ULBP1: variants seen among roughly 807,000 people sequenced by gnomAD.
The protein encoded by ULBP1 is UL16-binding protein 1.
Under a neutral mutation model 25.3 loss-of-function variants are expected in ULBP1, and 28 were observed. The ratio of observed to expected loss-of-function variants is 1.10; its 90% CI spans 0.82 to 1.51. The LOEUF is 1.51. Ranked by LOEUF, ULBP1 falls within the 40% of genes most tolerant of loss-of-function variation. The probability of loss-of-function intolerance (pLI) is 0.00; values close to 1 mark genes in which losing one functional copy is unlikely to be tolerated. For missense variants in ULBP1, 348 were observed against 290.9 expected (o/e 1.20, Z -1.43); for synonymous variants, 129 against 103.0 (o/e 1.25, Z -1.53).
At chr6:149,967,880 G>A (rs554404296) in intron 1 of ULBP1, among the ~76,000 whole-genome samples, 141 of 152,144 alleles carry the variant, frequency 9.3e-4, no homozygotes, top group Non-Finnish European at 1.1e-3. Flanking sequence ...CTTCTCCTGG[G>A]GCCTTCTTTA....
At chr6:149,969,966 T>G (rs1779284183) in intron 3 of ULBP1, 50 bp from the exon 4 acceptor site, 2 of 1,567,512 alleles carry the variant, frequency 1.3e-6, no homozygotes, top group South Asian at 1.2e-5. Flanking sequence ...AGACATCCCC[T>G]AAGATTTTGA....
At chr6:149,965,380 C>T (rs1368024945) in intron 1 of ULBP1, among the ~76,000 whole-genome samples, 1 of 152,216 alleles carries the variant, frequency 6.6e-6, no homozygotes, top group East Asian at 1.9e-4. Context: ...GCCGAGTCCG[C>T]TTCCTGCAGC....
At chr6:149,967,888 T>C (rs1417297633) in intron 1 of ULBP1, among the ~76,000 whole-genome samples, 1 of 152,088 alleles carries the variant, frequency 6.6e-6, no homozygotes, top group Non-Finnish European at 1.5e-5. Context: ...GGGGCCTTCT[T>C]TATATGCTGG....
At chr6:149,966,062 C>A (rs1177757300) in intron 1 of ULBP1, among the ~76,000 whole-genome samples, 4 of 152,098 alleles carry the variant, frequency 2.6e-5, no homozygotes, top group Non-Finnish European at 5.9e-5. Context: ...CCAGACCCGC[C>A]TGTTCTTCCG....
At chr6:149,968,559 G>T in intron 1 of ULBP1, 48 bp from the exon 2 acceptor site, 6 of 1,570,816 alleles carry the variant, frequency 3.8e-6, no homozygotes, top group Non-Finnish European at 4.3e-6. Flanking sequence ...GGGGATACAG[G>T]TTCCATTTCC....
At chr6:149,968,333 G>A (rs6924337) in intron 1 of ULBP1, among the ~76,000 whole-genome samples, 1 of 152,194 alleles carries the variant, frequency 6.6e-6, no homozygotes. Flanking sequence ...CCACCACAAG[G>A]TCATGTGCTG....
At position 149,971,931 on chromosome 6, in the gene ULBP1, A is replaced by G. The variant is rs1779325843; in HGVS notation, c.*585A>G. On this transcript the variant is annotated 3_prime_UTR_variant, in exon 5 of 5. Coordinates refer to ENST00000229708, the MANE Select transcript of ULBP1 (RefSeq NM_025218.4). ...AGCTCCTGGGCTCAAGTGATCCTCT[A>G]GACTCAGCCTCTAGAATAGCTGGGA... The G allele has an allele frequency of 6.6e-6, 1 of 152,170 alleles. No individual in the cohort carries two copies. Among genetic ancestry groups the G allele is most frequent in the Admixed American group, 6.5e-5 (1 of 15,282 alleles). 9.4% of individuals were successfully genotyped at this position (152,170 alleles called of 1,614,324 possible).
chr6:149,964,773 G>C (rs1779168499), intron 1 of ULBP1, among the ~76,000 whole-genome samples: 1 of 140,284 alleles, frequency 7.1e-6, no homozygotes. Flanking sequence ...CCCGAACATC[G>C]CGTTCTACCC....
intron 1 of ULBP1, among the ~76,000 whole-genome samples, chr6:149,965,170 GCC>G: frequency 8.8e-6 from 1 of 113,892 alleles, no homozygotes; most frequent in South Asian, 2.6e-4. Flanking sequence ...GAACATCGCG[GCC>G]TCCCCGAACA....
intron 1 of ULBP1, among the ~76,000 whole-genome samples, chr6:149,967,423 G>A (rs1779222415): frequency 6.6e-6 from 1 of 152,198 alleles, no homozygotes; most frequent in Admixed American, 6.5e-5. Flanking sequence ...AGGGCCTCTG[G>A]GCTCTCCTTC....
rs769785237 is a variant in ULBP1 at position 149,970,007 on chromosome 6, C to T, written c.626-9C>T. ...GACAAGGGTTGTCACTCCTGTGTTT[C>T]CATTTCAGAACCACCCTCTCTGGCC... On this transcript the variant is annotated splice_polypyrimidine_tract_variant and intron_variant, in intron 3 of 4. Transcript: ENST00000229708. The T allele has an allele frequency of 1.2e-6, 2 of 1,608,038 alleles. No individual in the cohort carries two copies. Among genetic ancestry groups the T allele is most frequent in the African/African-American group, 1.3e-5 (1 of 74,866 alleles).
intron 1 of ULBP1, among the ~76,000 whole-genome samples, chr6:149,966,005 C>T (rs1295531545): frequency 6.6e-6 from 1 of 152,090 alleles, no homozygotes; most frequent in East Asian, 1.9e-4. Context: ...CTCACGATGA[C>T]CCTGGGAGCG....
In ULBP1 at chr6:149,971,740, A is replaced by G. The variant is rs1455018589; in HGVS notation, c.*394A>G. 1 of 152,224 alleles carries G rather than the reference A, an allele frequency of 6.6e-6. No individual in the cohort carries two copies. Among genetic ancestry groups the G allele is most frequent in the East Asian group, 1.9e-4 (1 of 5,204 alleles). The allele number at this position is 152,224 out of a possible 1,614,324, so 9.4% of individuals were successfully genotyped here. A position where few individuals can be genotyped will look rare whatever the true frequency, so the allele number is the denominator to read the frequency against. On this transcript the variant is annotated 3_prime_UTR_variant, in exon 5 of 5. Transcript: ENST00000229708. ...GAAACATGACCTTATTCTTCCAAAC[A>G]GTATCGCTAGTAAAATAGCATGCTG...
chr6:149,970,244 C>T, intron 4 of ULBP1, 97 bp downstream of exon 4: 1 of 1,461,030 alleles, frequency 6.8e-7, no homozygotes, highest in Non-Finnish European at 9.2e-7. Context: ...CCGGGAACTT[C>T]TCATCCTGAC....
chr6:149,969,184 T>A lies in ULBP1; in HGVS notation c.449T>A (p.Leu150His). Reference protein sequence around the residue: ...QFLFNGQKFLLFDSNNRKWTA... With the variant: ...QFLFNGQKFLHFDSNNRKWTA... ...CTCTTCAATGGACAGAAGTTCCTCC[T>A]CTTTGACTCAAACAACAGAAAGTGG... The change falls in exon 3 of 5, where the codon CTC (leucine) becomes CAC (histidine). Residue 150 changes from leucine to histidine, a missense_variant. Coordinates refer to ENST00000229708, the MANE Select transcript of ULBP1 (RefSeq NM_025218.4). The A allele has an allele frequency of 6.2e-7, 1 of 1,614,240 alleles. No homozygotes were observed. Among genetic ancestry groups the A allele is most frequent in the South Asian group, 1.1e-5 (1 of 91,090 alleles).
At chr6:149,968,962 C>T in intron 2 of ULBP1, 92 bp downstream of exon 2, 1 of 1,555,434 alleles carries the variant, frequency 6.4e-7, no homozygotes, top group Non-Finnish European at 8.7e-7. Flanking sequence ...GTTTGTGTCA[C>T]CCAAGAGGTT....
chr6:149,969,888 G>T, intron 3 of ULBP1, 128 bp from the exon 4 acceptor site: 2 of 1,254,428 alleles, frequency 1.6e-6, no homozygotes, highest in Non-Finnish European at 1.1e-6. Context: ...TGTCCCAGAG[G>T]TTGCCCCACA....
In ULBP1 at chr6:149,971,366, A is replaced by G; in HGVS notation, c.*23-3A>G. 1.0e-6 allele frequency: 1 copy of G among 985,310 alleles called. No individual in the cohort carries two copies. The highest frequency in any genetic ancestry group is 1.2e-6 in the Non-Finnish European group (1 of 829,850). The allele number at this position is 985,310 out of a possible 1,614,324, so 61.0% of individuals were successfully genotyped here. Reference sequence around the variant, plus strand: ...TTAAACCAATGCTTCATCTTTTCTCAAGGTGGAAAGTGATATCAAGAAGCC... The same window carrying G: ...TTAAACCAATGCTTCATCTTTTCTCGAGGTGGAAAGTGATATCAAGAAGCC... On this transcript the variant is annotated splice_polypyrimidine_tract_variant and splice_region_variant and intron_variant, in intron 4 of 4. Coordinates refer to ENST00000229708, the MANE Select transcript of ULBP1 (RefSeq NM_025218.4).
At position 149,972,341 on chromosome 6, in the gene ULBP1, T is replaced by C. The variant is rs946033999; in HGVS notation, c.*995T>C. The C allele has an allele frequency of 6.6e-6, 1 of 152,132 alleles. No homozygotes were observed. Among genetic ancestry groups the C allele is most frequent in the Non-Finnish European group, 1.5e-5 (1 of 68,018 alleles). 9.4% of individuals were successfully genotyped at this position (152,132 alleles called of 1,614,324 possible). Reference sequence around the variant, plus strand: ...GAAACTGAACCCCTACTTCTCCCCATATATGTAAAATAATTCAATATGGAT... The same window carrying C: ...GAAACTGAACCCCTACTTCTCCCCACATATGTAAAATAATTCAATATGGAT... On this transcript the variant is annotated 3_prime_UTR_variant, in exon 5 of 5. Coordinates refer to ENST00000229708, the MANE Select transcript of ULBP1 (RefSeq NM_025218.4).
Sources: gnomAD v4.1 joint callset for allele counts (sites outside exome capture counted in the v4.1 genomes callset) on GRCh38, gnomAD v4.1.1 for gene constraint, MANE v1.5 for transcripts, NCBI Gene and HGNC (gene_info 2026-07-23, HGNC 2026-07-21) for gene names.